Variants in SLC25A46 observed in about 807,000 individuals in gnomAD.
SLC25A46 encodes the protein solute carrier family 25 member 46, also known as mitochondrial outer membrane protein SLC25A46.
A neutral mutation model predicts 44.6 loss-of-function variants in SLC25A46; 39 were observed. The ratio of observed to expected loss-of-function variants is 0.87; its 90% CI spans 0.68 to 1.14. The LOEUF (loss-of-function observed/expected upper bound fraction) is 1.14, where lower values mean the gene tolerates loss of function less well. Ranked by LOEUF, SLC25A46 falls within the 50% of genes most tolerant of loss-of-function variation. The pLI is 0.00. For missense variants in SLC25A46, 547 were observed against 522.7 expected, an observed-to-expected ratio of 1.05 and a Z score of -0.45; for synonymous variants, 202 against 185.8, an observed-to-expected ratio of 1.09 and a Z score of -0.71.
intron 6 of SLC25A46, 44 bp from the exon 7 acceptor site, chr5:110,756,658 C>T (rs1800120634): frequency 1.5e-6 from 2 of 1,298,612 alleles, no homozygotes; most frequent in South Asian, 1.4e-5. Context: ...TTAGTATAAG[C>T]ATCTTGTTTC....
intron 3 of SLC25A46, 124 bp downstream of exon 3, chr5:110,743,911 G>A (rs1035175712): frequency 1.5e-6 from 1 of 663,794 alleles, no homozygotes; most frequent in Admixed American, 3.3e-5. Context: ...AAACTTTTTG[G>A]TCTCAAAACC....
chr5:110,750,989 G>A (rs1006377133), intron 5 of SLC25A46, among the ~76,000 whole-genome samples: 6 of 152,170 alleles, frequency 3.9e-5, no homozygotes, highest in African/African-American at 1.4e-4. Flanking sequence ...TTACTCAGTA[G>A]ACAGACATGT....
chr5:110,752,582 C>A (rs566164563), intron 5 of SLC25A46, among the ~76,000 whole-genome samples: 1 of 152,126 alleles, frequency 6.6e-6, no homozygotes, highest in Non-Finnish European at 1.5e-5. Flanking sequence ...CGGTTCCCTC[C>A]GAATTTGCTT....
In SLC25A46 at chr5:110,764,045, T is replaced by C. The variant is rs1800326586; in HGVS notation, c.*2263T>C. 3 of 151,828 alleles carry C rather than the reference T, an allele frequency of 2.0e-5. No individual in the cohort carries two copies. The highest frequency in any genetic ancestry group is 4.4e-5 in the Non-Finnish European group (3 of 67,842). 9.4% of individuals were successfully genotyped at this position (151,828 alleles called of 1,614,324 possible). ...ACATGGGTGCCAAATCAAATATCCA[T>C]GGGCTATACTTCTTAAGATAATAAC... On this transcript the variant is annotated 3_prime_UTR_variant, in exon 8 of 8. Coordinates refer to ENST00000355943, the MANE Select transcript of SLC25A46 (RefSeq NM_138773.4).
intron 4 of SLC25A46, 55 bp from the exon 5 acceptor site, chr5:110,748,108 T>A: frequency 8.1e-7 from 1 of 1,228,966 alleles, no homozygotes. Context: ...ATTAAGATCT[T>A]TTGTGTTTCA....
Position 110,760,912 on chromosome 5 carries a change from G to GTTAT in SLC25A46, c.679-290_679-287dup, listed in dbSNP as rs748790829. 4.1e-4 allele frequency among the ~76,000 whole-genome samples: 62 copies of GTTAT among 152,042 alleles called. 1 individual carries two copies. The highest frequency in any genetic ancestry group is 1.6e-3 in the Admixed American group (25 of 15,236). ...ATATTGTCTCCTTAAGCGTTACATA[G>GTTAT]TTATTGCCTTTCCATGTGAGTTCTA... On this transcript the variant is annotated intron_variant, in intron 7 of 7. Transcript: ENST00000355943.
At chr5:110,745,378 C>T (rs968374659) in intron 3 of SLC25A46, among the ~76,000 whole-genome samples, 1 of 152,062 alleles carries the variant, frequency 6.6e-6, no homozygotes, top group Non-Finnish European at 1.5e-5. Flanking sequence ...CTCAGCCTCC[C>T]GAGTAGCTGG....
chr5:110,760,952 A>G (rs1297381968), intron 7 of SLC25A46, among the ~76,000 whole-genome samples: 2 of 152,048 alleles, frequency 1.3e-5, no homozygotes, highest in Non-Finnish European at 2.9e-5. Flanking sequence ...GTTTCTTGAG[A>G]TGTATCCACC....
chr5:110,738,725 G>A (rs549844353), upstream of SLC25A46: 12 of 255,872 alleles, frequency 4.7e-5, no homozygotes, highest in Non-Finnish European at 8.3e-5. Context: ...ATCTCACCGG[G>A]TAGGCTCCAC....
Position 110,739,339 on chromosome 5 carries a change from GA to G in SLC25A46, c.222del (p.Gly75AlafsTer23). 6.4e-7 allele frequency: 1 copy of G among 1,564,712 alleles called. No individual in the cohort carries two copies. The highest frequency in any genetic ancestry group is 8.7e-7 in the Non-Finnish European group (1 of 1,155,676). On this transcript the variant is annotated frameshift_variant, in exon 1 of 8. Transcript: ENST00000355943. LOFTEE classifies it high-confidence loss of function. ...CGTGCCCACCACCTCCACCCCGTAC[GA>G]AGGCCCCACGGAGGAACCCTTTTCC... The part of the protein sequence containing the change: ...YGVPTTSTPY[E>X]GPTEEPFSSG...
At chr5:110,752,679 A>G (rs1799995829) in intron 5 of SLC25A46, among the ~76,000 whole-genome samples, 1 of 152,208 alleles carries the variant, frequency 6.6e-6, no homozygotes, top group Admixed American at 6.5e-5. Context: ...CTGAGTAGGG[A>G]ACACTGAAAG....
At chr5:110,746,225 A>C (rs1799814528) in intron 3 of SLC25A46, 44 bp from the exon 4 acceptor site, 3 of 1,406,856 alleles carry the variant, frequency 2.1e-6, no homozygotes, top group Admixed American at 2.3e-5. Context: ...TTATTTCTTG[A>C]CAAAACATTA....
At position 110,739,375 on chromosome 5, in the gene SLC25A46, G is replaced by A; in HGVS notation, c.256G>A (p.Gly86Ser). 6.4e-7 allele frequency: 1 copy of A among 1,550,640 alleles called. No individual in the cohort carries two copies. Among genetic ancestry groups the A allele is most frequent in the South Asian group, 1.2e-5 (1 of 84,810 alleles). The part of the protein sequence containing the change: ...PTEEPFSSGG[G>S]GSVQGQSSEQ... ...GGAGGAACCCTTTTCCAGTGGCGGCGGCGGCAGTGTGCAGGGGCAGAGCAG... is the reference window on the plus strand; with the variant it reads ...GGAGGAACCCTTTTCCAGTGGCGGCAGCGGCAGTGTGCAGGGGCAGAGCAG... The change falls in exon 1 of 8, where the codon GGC becomes AGC. Residue 86 changes from glycine to serine, a missense_variant. Coordinates refer to ENST00000355943, the MANE Select transcript of SLC25A46 (RefSeq NM_138773.4).
chr5:110,738,891 A>T, upstream of SLC25A46: 1 of 1,117,744 alleles, frequency 8.9e-7, no homozygotes, highest in Non-Finnish European at 1.2e-6. Context: ...ACAAACTTTT[A>T]AGGTCCAGGT....
intron 5 of SLC25A46, chr5:110,753,495 TTTCG>T (rs1441927590): frequency 6.6e-6 from 1 of 152,014 alleles, no homozygotes. Context: ...TTATTAATTT[TTTCG>T]TTCATTAGGG....
chr5:110,763,257 C>A lies in SLC25A46; in HGVS notation c.*1475C>A, dbSNP rs534240874. ...GATATTGTCCAACCAAGAATGCATA[C>A]GAATAGAAATTCATTTTACTTGCTA... On this transcript the variant is annotated 3_prime_UTR_variant, in exon 8 of 8. Transcript: ENST00000355943. 4.0e-5 allele frequency: 6 copies of A among 151,852 alleles called. No individual in the cohort carries two copies. The highest frequency in any genetic ancestry group is 6.6e-5 in the Admixed American group (1 of 15,196). The allele number at this position is 151,852 out of a possible 1,614,324, so 9.4% of individuals were successfully genotyped here. A position where few individuals can be genotyped will look rare whatever the true frequency, so the allele number is the denominator to read the frequency against.
intron 1 of SLC25A46, 47 bp downstream of exon 1, chr5:110,739,449 G>A (rs1293252817): frequency 1.3e-6 from 2 of 1,498,468 alleles, no homozygotes; most frequent in Admixed American, 2.6e-5. Context: ...TACTGGGGCC[G>A]CGGCTTGCGG....
chr5:110,749,502 G>A (rs1189117036), intron 5 of SLC25A46, among the ~76,000 whole-genome samples: 1 of 148,258 alleles, frequency 6.7e-6, no homozygotes, highest in Non-Finnish European at 1.5e-5. Context: ...GTGTGTGTGT[G>A]GGAGCGGTGG....
At chr5:110,745,020 A>T (rs941173071) in intron 3 of SLC25A46, among the ~76,000 whole-genome samples, 1 of 152,266 alleles carries the variant, frequency 6.6e-6, no homozygotes, top group African/African-American at 2.4e-5. Context: ...GTGAAAAATT[A>T]CTGTAAGTAC....
Sources: gnomAD v4.1 joint callset for allele counts (sites outside exome capture counted in the v4.1 genomes callset) on GRCh38, gnomAD v4.1.1 for gene constraint, MANE v1.5 for transcripts, NCBI Gene and HGNC (gene_info 2026-07-23, HGNC 2026-07-21) for gene names.